NAA60: variants seen among roughly 807,000 people sequenced by gnomAD.
NAA60 encodes N-alpha-acetyltransferase 60.
NAA60 carries 8 observed loss-of-function variants against 26.1 expected under a neutral mutation model. The ratio of observed to expected loss-of-function variants is 0.31; its 90% CI spans 0.18 to 0.55. NAA60 has a LOEUF of 0.55. NAA60 is among the 20% of genes least tolerant of loss of function. The pLI is 0.93. For synonymous variants in NAA60, 131 were observed against 122.5 expected (o/e 1.07, Z -0.46); for missense variants, 290 against 311.3 (o/e 0.93, Z 0.51).
intron 2 of NAA60, among the ~76,000 whole-genome samples, chr16:3,456,112 C>CA (rs1192587577): frequency 2.0e-5 from 3 of 152,214 alleles, no homozygotes; most frequent in Non-Finnish European, 4.4e-5. Context: ...GGTCTCAAAA[C>CA]AAACACACAC....
chr16:3,470,185 T>C (rs2036037089), intron 2 of NAA60, among the ~76,000 whole-genome samples: 1 of 152,040 alleles, frequency 6.6e-6, no homozygotes, highest in Non-Finnish European at 1.5e-5. Context: ...GAATTGGCCA[T>C]TGCCACCTCT....
chr16:3,446,313 C>G (rs2034549547), intron 1 of NAA60, among the ~76,000 whole-genome samples: 1 of 152,046 alleles, frequency 6.6e-6, no homozygotes, highest in African/African-American at 2.4e-5. Flanking sequence ...GGGCAGATCA[C>G]AAGGTCAGGA....
chr16:3,478,909 G>T (rs1033009764), intron 3 of NAA60, among the ~76,000 whole-genome samples: 1 of 152,128 alleles, frequency 6.6e-6, no homozygotes, highest in Non-Finnish European at 1.5e-5. Flanking sequence ...TCCATGAGTT[G>T]CTTCCATGGA....
Position 3,485,751 on chromosome 16 carries a change from G to A in NAA60, c.*491G>A, listed in dbSNP as rs571262613. The A allele has an allele frequency of 1.3e-5, 6 of 446,326 alleles. No homozygotes were observed. Among genetic ancestry groups the A allele is most frequent in the East Asian group, 1.4e-4 (2 of 14,248 alleles). 27.6% of individuals were successfully genotyped at this position (446,326 alleles called of 1,614,324 possible). On this transcript the variant is annotated 3_prime_UTR_variant, in exon 8 of 8. Transcript: ENST00000407558. Reference sequence around the variant, plus strand: ...GGGGGCGCAATAAAGGGAATGGCCCGTCCCCTTCCAGAACCAGCCCAAAGA... The same window carrying A: ...GGGGGCGCAATAAAGGGAATGGCCCATCCCCTTCCAGAACCAGCCCAAAGA...
At chr16:3,449,384 G>T (rs1398339783) in intron 2 of NAA60, among the ~76,000 whole-genome samples, 1 of 152,128 alleles carries the variant, frequency 6.6e-6, no homozygotes, top group Non-Finnish European at 1.5e-5. Context: ...TGGGCGTGGT[G>T]GTGGGCACCT....
At position 3,443,706 on chromosome 16, in the gene NAA60, G is replaced by T. The variant is rs1361246809; in HGVS notation, c.-208G>T. The stretch of plus-strand genomic sequence containing the variant: ...CGCTTCCGCTGGCGGGGTCTCCTCC[G>T]TGAGCTCCGGGCCTGTTTGCCTGCT... On this transcript the variant is annotated 5_prime_UTR_variant, in exon 1 of 8. Coordinates refer to ENST00000407558, the MANE Select transcript of NAA60 (RefSeq NM_001083601.3). The T allele has an allele frequency of 7.0e-6, 10 of 1,433,722 alleles. No homozygotes were observed. Among genetic ancestry groups the T allele is most frequent in the Non-Finnish European group, 8.2e-6 (9 of 1,095,444 alleles). 88.8% of individuals were successfully genotyped at this position (1,433,722 alleles called of 1,614,324 possible). A position where few individuals can be genotyped will look rare whatever the true frequency, so the allele number is the denominator to read the frequency against.
At chr16:3,457,230 G>C (rs2035037592) in intron 2 of NAA60, among the ~76,000 whole-genome samples, 1 of 152,178 alleles carries the variant, frequency 6.6e-6, no homozygotes, top group African/African-American at 2.4e-5. Context: ...CAGATCACTT[G>C]AGGCCAGGGG....
intron 2 of NAA60, among the ~76,000 whole-genome samples, chr16:3,474,981 A>G (rs532414608): frequency 5.9e-5 from 9 of 151,834 alleles, no homozygotes; most frequent in South Asian, 2.1e-4. Flanking sequence ...GGGTCTTGCT[A>G]TGTTGCCCAG....
chr16:3,473,072 G>A (rs947103903), intron 2 of NAA60, among the ~76,000 whole-genome samples: 7 of 151,788 alleles, frequency 4.6e-5, no homozygotes, highest in African/African-American at 9.7e-5. Context: ...ATCTCACCAC[G>A]TCACCCAGGC....
At chr16:3,448,141 A>T (rs929713108) in intron 1 of NAA60, among the ~76,000 whole-genome samples, 3 of 151,968 alleles carry the variant, frequency 2.0e-5, no homozygotes, top group Admixed American at 6.6e-5. Flanking sequence ...GGGCGTGGTC[A>T]CTCACACCTA....
chr16:3,465,123 C>T (rs555815412), intron 2 of NAA60, among the ~76,000 whole-genome samples: 5 of 152,058 alleles, frequency 3.3e-5, no homozygotes, highest in East Asian at 3.9e-4. Context: ...AAAAGTTAGC[C>T]GAATGTGGTG....
At chr16:3,468,582 G>A (rs547412990) in intron 2 of NAA60, among the ~76,000 whole-genome samples, 17 of 152,330 alleles carry the variant, frequency 1.1e-4, no homozygotes, top group African/African-American at 3.1e-4. Flanking sequence ...TCAGGAGCAC[G>A]GAGTTGGGGG....
At chr16:3,463,690 C>A (rs113759095) in intron 2 of NAA60, among the ~76,000 whole-genome samples, 5 of 149,618 alleles carry the variant, frequency 3.3e-5, no homozygotes, top group African/African-American at 1.2e-4. Flanking sequence ...CATAGGGAGA[C>A]CCAGTCTCTA....
intron 2 of NAA60, among the ~76,000 whole-genome samples, chr16:3,470,396 G>A (rs2036053326): frequency 6.6e-6 from 1 of 152,212 alleles, no homozygotes; most frequent in Non-Finnish European, 1.5e-5. Flanking sequence ...CAGCGGCTGG[G>A]TGACAGCAGT....
At chr16:3,455,286 T>A (rs1041729501) in intron 2 of NAA60, among the ~76,000 whole-genome samples, 4 of 152,082 alleles carry the variant, frequency 2.6e-5, no homozygotes, top group African/African-American at 9.7e-5. Context: ...GGTCTGCTGG[T>A]CTCGAACCTC....
At chr16:3,451,583 A>G (rs144721813) in intron 2 of NAA60, among the ~76,000 whole-genome samples, 85 of 152,320 alleles carry the variant, frequency 5.6e-4, no homozygotes, top group African/African-American at 1.9e-3. Flanking sequence ...AATGTGCATT[A>G]AAACAATGAG....
At chr16:3,443,983 A>G in intron 1 of NAA60, 146 bp downstream of exon 1, 7 of 1,354,454 alleles carry the variant, frequency 5.2e-6, no homozygotes, top group Non-Finnish European at 6.7e-6. Context: ...AACATGAAGG[A>G]GTATCTTTGT....
intron 5 of NAA60, chr16:3,482,853 C>T (rs1351807249): frequency 5.3e-6 from 3 of 560,994 alleles, no homozygotes; most frequent in Non-Finnish European, 9.7e-6. Context: ...CGCTCAGCCC[C>T]CAGGATGGAG....
intron 7 of NAA60, 186 bp from the exon 8 acceptor site, chr16:3,485,281 A>C: frequency 1.7e-6 from 1 of 591,370 alleles, no homozygotes; most frequent in Non-Finnish European, 3.2e-6. Flanking sequence ...CTTTGGATCC[A>C]TCAGTGCCTT....
Sources: allele counts gnomAD v4.1 joint callset (sites outside exome capture counted in the v4.1 genomes callset), GRCh38; gene constraint gnomAD v4.1.1; transcripts MANE v1.5; gene names NCBI Gene and HGNC (gene_info 2026-07-23, HGNC 2026-07-21).